Variants in CRLF3 observed in about 807,000 individuals in gnomAD.
CRLF3 encodes the protein cytokine receptor like factor 3.
In CRLF3, 33 loss-of-function variants were observed where a neutral mutation model predicts 55.0. The observed-to-expected ratio is 0.60, with a 90% CI of 0.46 to 0.80. CRLF3 has a LOEUF of 0.80. CRLF3 is among the 30% of genes least tolerant of loss of function. CRLF3 has a pLI of 0.00. For synonymous variants in CRLF3, 238 were observed against 196.8 expected (o/e 1.21, Z -1.75); for missense variants, 494 against 538.4 (o/e 0.92, Z 0.82).
chr17:30,796,445 A>T, intron 3 of CRLF3, 108 bp from the exon 4 acceptor site: 1 of 733,052 alleles, frequency 1.4e-6, no homozygotes, highest in South Asian at 2.4e-5. Flanking sequence ...GCCCCCAGTA[A>T]TTAATTCTCA....
chr17:30,793,373 G>A, intron 5 of CRLF3, 77 bp downstream of exon 5: 1 of 1,080,458 alleles, frequency 9.3e-7, no homozygotes, highest in South Asian at 1.4e-5. Flanking sequence ...CTGGTTGTCA[G>A]TGTGCTGCCC....
Position 30,796,185 on chromosome 17 carries a change from C to G in CRLF3, c.578G>C (p.Gly193Ala). 6.2e-7 allele frequency: 1 copy of G among 1,613,040 alleles called. No homozygotes were observed. ...VQIEELIEKPGGIIVRWCKVD... is the reference protein window; with the variant it reads ...VQIEELIEKPAGIIVRWCKVD... ...CTTACACCATCGTACAATGATGCCT[C>G]CAGGTTTCTCTATTAGTTCTTCTAT... The change falls in exon 4 of 8, where the codon GGA (glycine) becomes GCA (alanine). Residue 193 changes from glycine to alanine, a missense_variant. Physicochemically the swap from Gly to Ala is moderately conservative, Grantham distance 60. Coordinates refer to ENST00000324238, the MANE Select transcript of CRLF3 (RefSeq NM_015986.4).
At chr17:30,802,710 A>G (rs887916493) in intron 2 of CRLF3, among the ~76,000 whole-genome samples, 13 of 151,738 alleles carry the variant, frequency 8.6e-5, no homozygotes, top group Non-Finnish European at 1.9e-4. Context: ...GGCGTGAGCC[A>G]CCACACCTGG....
chr17:30,804,495 C>G (rs1341575974), intron 1 of CRLF3, among the ~76,000 whole-genome samples: 1 of 152,178 alleles, frequency 6.6e-6, no homozygotes, highest in Admixed American at 6.6e-5. Context: ...CTCCCCATCC[C>G]CAACTCCATC....
intron 1 of CRLF3, among the ~76,000 whole-genome samples, chr17:30,814,873 T>C (rs1444007887): frequency 6.6e-6 from 1 of 151,054 alleles, no homozygotes; most frequent in Non-Finnish European, 1.5e-5. Context: ...TGGTGGCACA[T>C]GCTTGTAATG....
At chr17:30,808,472 G>C (rs1378204882) in intron 1 of CRLF3, among the ~76,000 whole-genome samples, 1 of 151,442 alleles carries the variant, frequency 6.6e-6, no homozygotes, top group Non-Finnish European at 1.5e-5. Flanking sequence ...ATTTTTAGTA[G>C]AGATGGGGTT....
At chr17:30,814,656 CAA>C (rs748564150) in intron 1 of CRLF3, among the ~76,000 whole-genome samples, 8 of 122,058 alleles carry the variant, frequency 6.6e-5, no homozygotes, top group Admixed American at 8.4e-5. Context: ...GACTCCACCT[CAA>C]AAAAAAAAAA....
chr17:30,814,110 A>C (rs1308768965), intron 1 of CRLF3, among the ~76,000 whole-genome samples: 4 of 152,024 alleles, frequency 2.6e-5, no homozygotes. Flanking sequence ...TACTAAAATT[A>C]GCTGGCCTTG....
At chr17:30,790,005 CCT>C (rs780879066) in intron 6 of CRLF3, among the ~76,000 whole-genome samples, 7 of 148,058 alleles carry the variant, frequency 4.7e-5, no homozygotes, top group Non-Finnish European at 6.0e-5. Flanking sequence ...TTTTTTTTTT[CCT>C]CTCTCTCTCT....
chr17:30,815,605 G>A (rs1239241632), intron 1 of CRLF3, among the ~76,000 whole-genome samples: 8 of 145,920 alleles, frequency 5.5e-5, no homozygotes, highest in African/African-American at 1.5e-4. Context: ...GTGCAGTGGC[G>A]CAATCTCGGC....
chr17:30,806,527 A>C (rs1904408478), intron 1 of CRLF3, among the ~76,000 whole-genome samples: 1 of 152,304 alleles, frequency 6.6e-6, no homozygotes, highest in Non-Finnish European at 1.5e-5. Flanking sequence ...GTAGCCCACA[A>C]TTTGAGAAAC....
At chr17:30,823,145 C>T (rs745327339) in intron 1 of CRLF3, among the ~76,000 whole-genome samples, 2 of 151,958 alleles carry the variant, frequency 1.3e-5, no homozygotes, top group African/African-American at 2.4e-5. Flanking sequence ...AGGTGGATCA[C>T]GAGGTCAGGA....
At chr17:30,797,037 T>C (rs1045458997) in intron 3 of CRLF3, among the ~76,000 whole-genome samples, 1 of 152,052 alleles carries the variant, frequency 6.6e-6, no homozygotes, top group Non-Finnish European at 1.5e-5. Context: ...GTAGCTGGAT[T>C]ACAGGTCCAT....
chr17:30,801,632 T>C (rs913892242), intron 2 of CRLF3, among the ~76,000 whole-genome samples: 6 of 152,018 alleles, frequency 3.9e-5, no homozygotes, highest in African/African-American at 1.2e-4. Context: ...GGTTTTACCA[T>C]GTTGGCCAGG....
Position 30,809,527 on chromosome 17 carries a change from T to G in CRLF3, c.130-5419A>C, listed in dbSNP as rs187591915. 2.0e-5 allele frequency: 3 copies of G among 152,342 alleles called. No individual in the cohort carries two copies. The East Asian group carries it at 5.8e-4, about 29-fold the overall frequency. 9.4% of individuals were successfully genotyped at this position (152,342 alleles called of 1,614,324 possible). The stretch of plus-strand genomic sequence containing the variant: ...CTGTTAACTCAATAAATCTTCACAA[T>G]GCACTTTCAGAAAGTGAGGACCAAA... On this transcript the variant is annotated intron_variant, in intron 1 of 7. Transcript: ENST00000324238.
At chr17:30,793,920 C>T (rs1031795548) in intron 4 of CRLF3, among the ~76,000 whole-genome samples, 2 of 151,978 alleles carry the variant, frequency 1.3e-5, no homozygotes. Context: ...CTTATTGCAG[C>T]CTCCACACCC....
chr17:30,808,267 T>A (rs1904482592), intron 1 of CRLF3, among the ~76,000 whole-genome samples: 2 of 140,696 alleles, frequency 1.4e-5, no homozygotes, highest in Admixed American at 7.3e-5. Flanking sequence ...CCTCCTCCCC[T>A]AGAACCTATA....
At chr17:30,792,669 C>T in intron 5 of CRLF3, 97 bp from the exon 6 acceptor site, 1 of 1,080,584 alleles carries the variant, frequency 9.3e-7, no homozygotes, top group Non-Finnish European at 1.4e-6. Flanking sequence ...GGAGACTACT[C>T]TTAGGGGCCA....
At chr17:30,799,222 G>A (rs1478683836) in intron 2 of CRLF3, among the ~76,000 whole-genome samples, 4 of 150,732 alleles carry the variant, frequency 2.7e-5, no homozygotes, top group African/African-American at 9.7e-5. Flanking sequence ...GCAGCAAGCT[G>A]AGATCGTGCC....
Sources: gnomAD v4.1 joint callset for allele counts (sites outside exome capture counted in the v4.1 genomes callset) on GRCh38, gnomAD v4.1.1 for gene constraint, MANE v1.5 for transcripts, NCBI Gene and HGNC (gene_info 2026-07-23, HGNC 2026-07-21) for gene names.